The following ZEB2 variants were observed in gnomAD, a reference collection of about 807,000 sequenced individuals.
ZEB2 encodes the protein zinc finger E-box binding homeobox 2.
Under a neutral mutation model 99.9 loss-of-function variants are expected in ZEB2, and 6 were observed. That is an observed-to-expected ratio of 0.06 (90% confidence interval 0.03 to 0.12). The LOEUF is 0.12. Among genes scored for constraint, ZEB2 ranks in the 10% least tolerant of loss-of-function variants. The probability of loss-of-function intolerance (pLI) is 1.00; values close to 1 mark genes in which losing one functional copy is unlikely to be tolerated. For missense variants in ZEB2, 969 were observed against 1,502.8 expected (o/e 0.64, Z 5.87); for synonymous variants, 517 against 542.5 (o/e 0.95, Z 0.65).
At chr2:144,452,774 G>C (rs934487884) in intron 2 of ZEB2, among the ~76,000 whole-genome samples, 1 of 152,104 alleles carries the variant, frequency 6.6e-6, no homozygotes, top group Admixed American at 6.6e-5. Flanking sequence ...CAGGCAGCGA[G>C]AAGGGCTTAC....
chr2:144,394,282 C>T (rs1218601615), intron 9 of ZEB2: 1 of 152,188 alleles, frequency 6.6e-6, no homozygotes, highest in Admixed American at 6.5e-5. Context: ...GGCCTCTCAA[C>T]TATCTACAGA....
chr2:144,507,961 A>G (rs887799153), intron 2 of ZEB2, among the ~76,000 whole-genome samples: 11 of 152,238 alleles, frequency 7.2e-5, no homozygotes, highest in African/African-American at 2.7e-4. Context: ...GCCAACCTCA[A>G]TTAGATCATG....
At chr2:144,451,747 A>G (rs1704057304) in intron 2 of ZEB2, among the ~76,000 whole-genome samples, 1 of 152,194 alleles carries the variant, frequency 6.6e-6, no homozygotes, top group Non-Finnish European at 1.5e-5. Flanking sequence ...TTTATATTCA[A>G]ATAAGCCTTC....
At chr2:144,394,436 CCAAT>C (rs1389524108) in intron 9 of ZEB2, 3 of 152,030 alleles carry the variant, frequency 2.0e-5, no homozygotes. Context: ...TATAATAAAA[CCAAT>C]CAGAGAGGGA....
chr2:144,517,389 G>A lies in ZEB2; in HGVS notation c.-39C>T, dbSNP rs1324863378. On this transcript the variant is annotated 5_prime_UTR_variant, in exon 2 of 10. Coordinates refer to ENST00000627532, the MANE Select transcript of ZEB2 (RefSeq NM_014795.4). ...TCAGATGGCAGTTCGCATGGACTCG[G>A]CGCCCTGCTTCGGCAGCACGCAGGC... The A allele has an allele frequency of 6.2e-7, 1 of 1,610,896 alleles. No homozygotes were observed.
chr2:144,403,267 T>C (rs1253372758), intron 6 of ZEB2, among the ~76,000 whole-genome samples: 1 of 152,102 alleles, frequency 6.6e-6, no homozygotes, highest in African/African-American at 2.4e-5. Context: ...TTGAGACAAG[T>C]AAGCAAAAAG....
At chr2:144,513,600 G>A (rs537282153) in intron 2 of ZEB2, 29 of 1,530,300 alleles carry the variant, frequency 1.9e-5, no homozygotes, top group Non-Finnish European at 2.4e-5. Context: ...AGAGGCTGAT[G>A]CTGGAAGGTG....
chr2:144,413,338 A>T (rs1703490206), intron 4 of ZEB2, among the ~76,000 whole-genome samples: 1 of 152,240 alleles, frequency 6.6e-6, no homozygotes, highest in Non-Finnish European at 1.5e-5. Flanking sequence ...TTGAAATATC[A>T]GTTATTTCTT....
intron 4 of ZEB2, among the ~76,000 whole-genome samples, chr2:144,408,274 C>T (rs1338405713): frequency 6.6e-6 from 1 of 152,154 alleles, no homozygotes; most frequent in Non-Finnish European, 1.5e-5. Context: ...ATGTCCTTAA[C>T]ACTAATCTTG....
intron 4 of ZEB2, among the ~76,000 whole-genome samples, chr2:144,420,446 A>G (rs1252851142): frequency 6.6e-6 from 1 of 152,128 alleles, no homozygotes; most frequent in Non-Finnish European, 1.5e-5. Context: ...CTGGCTAGAG[A>G]ACAAGGTCAG....
At chr2:144,501,123 T>C (rs1704862736) in intron 2 of ZEB2, among the ~76,000 whole-genome samples, 1 of 150,748 alleles carries the variant, frequency 6.6e-6, no homozygotes, top group African/African-American at 2.4e-5. Flanking sequence ...TATGAAACCT[T>C]ACGCTAACTG....
At chr2:144,483,141 C>G (rs1199629841) in intron 2 of ZEB2, among the ~76,000 whole-genome samples, 1 of 144,966 alleles carries the variant, frequency 6.9e-6, no homozygotes, top group African/African-American at 2.6e-5. Context: ...CACACACACA[C>G]ACACACACAC....
intron 2 of ZEB2, among the ~76,000 whole-genome samples, chr2:144,470,823 T>C (rs751079501): frequency 3.3e-5 from 5 of 152,182 alleles, no homozygotes; most frequent in Non-Finnish European, 7.3e-5. Flanking sequence ...CCCCTACACT[T>C]TTCATTCTAA....
intron 2 of ZEB2, chr2:144,514,099 G>A: frequency 2.7e-6 from 1 of 364,572 alleles, no homozygotes; most frequent in South Asian, 3.9e-5. Context: ...CCCTGGCACT[G>A]CCTCTGCCAG....
intron 4 of ZEB2, among the ~76,000 whole-genome samples, chr2:144,419,464 C>T (rs1485124724): frequency 2.0e-5 from 3 of 152,204 alleles, no homozygotes; most frequent in African/African-American, 2.4e-5. Context: ...GTAAATATAA[C>T]TTTCACACAT....
intron 2 of ZEB2, among the ~76,000 whole-genome samples, chr2:144,475,503 T>C (rs1704417961): frequency 6.6e-6 from 1 of 152,196 alleles, no homozygotes; most frequent in South Asian, 2.1e-4. Flanking sequence ...TGTATATATA[T>C]ATGTATGTAT....
chr2:144,429,750 A>G lies in ZEB2; in HGVS notation c.331+19T>C. On this transcript the variant is annotated intron_variant, in intron 3 of 9. Coordinates refer to ENST00000627532, the MANE Select transcript of ZEB2 (RefSeq NM_014795.4). ...GTGAAGATGGTACAGGAAGAGGCCA[A>G]GTGATTTTAGACACTTACCTGGACC... 1 of 1,613,742 alleles carries G rather than the reference A, an allele frequency of 6.2e-7. No individual in the cohort carries two copies. Among genetic ancestry groups the G allele is most frequent in the Non-Finnish European group, 8.5e-7 (1 of 1,179,738 alleles).
chr2:144,490,187 A>G (rs1382774212), intron 2 of ZEB2, among the ~76,000 whole-genome samples: 3 of 152,198 alleles, frequency 2.0e-5, no homozygotes, highest in Non-Finnish European at 4.4e-5. Flanking sequence ...ATATAGTTCA[A>G]ATCCCACCAC....
At chr2:144,475,005 T>C (rs981965434) in intron 2 of ZEB2, among the ~76,000 whole-genome samples, 8 of 152,216 alleles carry the variant, frequency 5.3e-5, no homozygotes, top group African/African-American at 1.9e-4. Flanking sequence ...CAAATTTGAA[T>C]GTTTATCAAA....
Sources: allele counts gnomAD v4.1 joint callset (sites outside exome capture counted in the v4.1 genomes callset), GRCh38; gene constraint gnomAD v4.1.1; transcripts MANE v1.5; gene names NCBI Gene and HGNC (gene_info 2026-07-23, HGNC 2026-07-21).